RBFOX1: variants seen among roughly 807,000 people sequenced by gnomAD.
RBFOX1 encodes the protein RNA binding fox-1 homolog 1.
A neutral mutation model predicts 57.7 loss-of-function variants in RBFOX1; 8 were observed. That is an observed-to-expected ratio of 0.14 (90% confidence interval 0.08 to 0.25). The LOEUF is 0.25. RBFOX1 is among the 10% of genes least tolerant of loss of function. The pLI is 1.00. For missense variants in RBFOX1, 611 were observed against 548.5 expected, an observed-to-expected ratio of 1.11 and a Z score of -1.14; for synonymous variants, 326 against 222.4, an observed-to-expected ratio of 1.47 and a Z score of -4.15.
intron 3 of RBFOX1, among the ~76,000 whole-genome samples, chr16:6,827,099 C>G (rs1470226744): frequency 1.3e-5 from 2 of 152,230 alleles, no homozygotes; most frequent in East Asian, 3.9e-4. Flanking sequence ...TACCGAGTCT[C>G]TTAGTGTCCT....
intron 3 of RBFOX1, among the ~76,000 whole-genome samples, chr16:6,966,471 A>G (rs758191494): frequency 2.6e-5 from 4 of 152,130 alleles, no homozygotes; most frequent in Admixed American, 2.0e-4. Flanking sequence ...TCTGCCATCC[A>G]CGGAGCATGA....
At chr16:6,016,835 G>C (rs930438003), upstream of RBFOX1, among the ~76,000 whole-genome samples, 1 of 152,146 alleles carries the variant, frequency 6.6e-6, no homozygotes, top group Admixed American at 6.5e-5. Flanking sequence ...CTTGGAATGC[G>C]AAAGGTCATT....
intron 3 of RBFOX1, among the ~76,000 whole-genome samples, chr16:6,756,393 G>T (rs1435765111): frequency 6.6e-6 from 1 of 152,118 alleles, no homozygotes; most frequent in Admixed American, 6.5e-5. Flanking sequence ...AATGCATTAA[G>T]ACACTGGCCT....
intron 4 of RBFOX1, among the ~76,000 whole-genome samples, chr16:7,100,161 G>C (rs1482295751): frequency 6.6e-6 from 1 of 151,992 alleles, no homozygotes; most frequent in Non-Finnish European, 1.5e-5. Context: ...GGGATGCAGA[G>C]AAAACAAAAT....
At chr16:6,662,235 A>T (rs960560557) in intron 3 of RBFOX1, among the ~76,000 whole-genome samples, 1 of 152,132 alleles carries the variant, frequency 6.6e-6, no homozygotes, top group Non-Finnish European at 1.5e-5. Context: ...GAGTTTAATT[A>T]ATGTGTTTTA....
intron 3 of RBFOX1, among the ~76,000 whole-genome samples, chr16:5,811,704 C>T (rs1274902876): frequency 6.6e-6 from 1 of 152,134 alleles, no homozygotes; most frequent in Non-Finnish European, 1.5e-5. Flanking sequence ...CCGCCTTGGC[C>T]TCCCAAAGTG....
chr16:7,706,780 C>T (rs1295152565), intron 14 of RBFOX1, among the ~76,000 whole-genome samples: 2 of 152,144 alleles, frequency 1.3e-5, no homozygotes, highest in Non-Finnish European at 2.9e-5. Context: ...TCACAGACTT[C>T]ATTCCCTCAT....
chr16:6,944,546 T>C (rs1014133502), intron 3 of RBFOX1, among the ~76,000 whole-genome samples: 11 of 152,154 alleles, frequency 7.2e-5, no homozygotes, highest in Non-Finnish European at 1.3e-4. Flanking sequence ...ATCTGGTATA[T>C]TTTGTAGACC....
chr16:6,782,434 C>G (rs537754318), intron 3 of RBFOX1, among the ~76,000 whole-genome samples: 1 of 152,042 alleles, frequency 6.6e-6, no homozygotes, highest in East Asian at 1.9e-4. Context: ...TATTTAATTT[C>G]CATGTATTTA....
chr16:5,577,550 C>T (rs1030833057), intron 2 of RBFOX1, among the ~76,000 whole-genome samples: 1 of 152,178 alleles, frequency 6.6e-6, no homozygotes, highest in African/African-American at 2.4e-5. Flanking sequence ...AGCACGGGGC[C>T]TTGTGCTGCC....
intron 1 of RBFOX1, among the ~76,000 whole-genome samples, chr16:6,043,120 G>GAAAAAAAAAAAAAAAAAAAAAAA (rs570358262): frequency 1.4e-5 from 1 of 70,254 alleles, no homozygotes; most frequent in African/African-American, 5.4e-5. Context: ...TGTGTTTCCA[G>GAAAAAAAAAAAAAAAAAAAAAAA]AAAAAAAAAA....
chr16:6,796,792 C>A (rs1036464959), intron 3 of RBFOX1, among the ~76,000 whole-genome samples: 7 of 152,238 alleles, frequency 4.6e-5, no homozygotes, highest in African/African-American at 1.7e-4. Flanking sequence ...TCTTCTATGT[C>A]CCTCAGTCAT....
intron 4 of RBFOX1, among the ~76,000 whole-genome samples, chr16:7,102,993 A>G (rs1159618615): frequency 2.6e-5 from 4 of 152,072 alleles, no homozygotes; most frequent in Non-Finnish European, 5.9e-5. Flanking sequence ...GTACAGACAC[A>G]CACACACACA....
chr16:6,554,995 T>A (rs1026163171), intron 2 of RBFOX1, among the ~76,000 whole-genome samples: 4 of 152,082 alleles, frequency 2.6e-5, no homozygotes, highest in Non-Finnish European at 5.9e-5. Flanking sequence ...AGGAACCAAT[T>A]TGATAAACCA....
In RBFOX1 at chr16:6,783,441, CAAA is replaced by C. The variant is rs34445060; in HGVS notation, c.-16+128804_-16+128806del. 3.7e-3 allele frequency among the ~76,000 whole-genome samples: 460 copies of C among 125,982 alleles called. 6 individuals are homozygous for C. The highest frequency in any genetic ancestry group is 0.02 in the South Asian group (78 of 3,904). The allele number at this position is 125,982 out of a possible 152,430, so 82.6% of individuals were successfully genotyped here. ...TGCTTTGTAGTTACCATGAAGCTTG[CAAA>C]AAAAAAAAAAAATCTTATAACCAAT... is the stretch of plus-strand genomic sequence containing the variant. On this transcript the variant is annotated intron_variant, in intron 3 of 15. Coordinates refer to ENST00000550418, the MANE Select transcript of RBFOX1 (RefSeq NM_018723.4).
intron 1 of RBFOX1, among the ~76,000 whole-genome samples, chr16:5,335,693 T>G (rs2064878339): frequency 6.6e-6 from 1 of 152,074 alleles, no homozygotes; most frequent in Non-Finnish European, 1.5e-5. Flanking sequence ...GTGGGAAGGA[T>G]TTCTCCCAGT....
chr16:7,136,606 T>G (rs1442192061), intron 4 of RBFOX1, among the ~76,000 whole-genome samples: 5 of 151,950 alleles, frequency 3.3e-5, no homozygotes, highest in African/African-American at 1.2e-4. Flanking sequence ...GTGTAGAGGC[T>G]GGGTCTCATA....
intron 3 of RBFOX1, among the ~76,000 whole-genome samples, chr16:5,786,379 G>A (rs760173419): frequency 3.3e-5 from 5 of 152,110 alleles, no homozygotes; most frequent in Admixed American, 3.3e-4. Flanking sequence ...TGCTGCTCAT[G>A]TAGCACTTTG....
At chr16:6,082,339 C>A (rs557815142) in intron 1 of RBFOX1, among the ~76,000 whole-genome samples, 2 of 134,778 alleles carry the variant, frequency 1.5e-5, no homozygotes, top group African/African-American at 5.4e-5. Context: ...TGTCACCACA[C>A]CTGGCTAATT....
Sources: allele counts gnomAD v4.1 joint callset (sites outside exome capture counted in the v4.1 genomes callset), GRCh38; gene constraint gnomAD v4.1.1; transcripts MANE v1.5; gene names NCBI Gene and HGNC (gene_info 2026-07-23, HGNC 2026-07-21).